CKAP2: variants seen among roughly 807,000 people sequenced by gnomAD.
CKAP2 encodes the protein cytoskeleton-associated protein 2.
CKAP2 carries 46 observed loss-of-function variants against 58.4 expected under a neutral mutation model. That is an observed-to-expected ratio of 0.79 (90% CI 0.62 to 1.01). CKAP2 has a LOEUF of 1.01. Ranked by LOEUF, CKAP2 falls within the 50% of genes least tolerant of loss-of-function variation. The pLI, the probability that CKAP2 is intolerant of heterozygous loss-of-function variation, is 0.00. For missense variants in CKAP2, 809 were observed against 796.4 expected, an observed-to-expected ratio of 1.02 and a Z score of -0.19; for synonymous variants, 293 against 280.9, an observed-to-expected ratio of 1.04 and a Z score of -0.43.
At chr13:52,460,130 A>G (rs552579010) in intron 2 of CKAP2, among the ~76,000 whole-genome samples, 3 of 152,264 alleles carry the variant, frequency 2.0e-5, no homozygotes, top group East Asian at 3.9e-4. Context: ...AAGTGCTGCT[A>G]TTACAGGCAT....
chr13:52,465,275 A>G lies in CKAP2; in HGVS notation c.1306-20A>G, dbSNP rs750666244. 6.3e-7 allele frequency: 1 copy of G among 1,596,374 alleles called. No individual in the cohort carries two copies. Among genetic ancestry groups the G allele is most frequent in the Non-Finnish European group, 8.5e-7 (1 of 1,172,380 alleles). On this transcript the variant is annotated intron_variant, in intron 5 of 8. Transcript: ENST00000258607. ...TTGTAAGCTAAAAAATATTACACAC[A>G]TTTTTTCTTGCTTTTTTAGGGATGT... is the stretch of plus-strand genomic sequence containing the variant.
At position 52,457,501 on chromosome 13, in the gene CKAP2, T is replaced by G. The variant is rs189459293; in HGVS notation, c.155+894T>G. Among the ~76,000 whole-genome samples, 251 of 152,070 alleles carry G rather than the reference T, an allele frequency of 1.7e-3. 2 individuals carry two copies. Among genetic ancestry groups the G allele is most frequent in the African/African-American group, 5.8e-3 (242 of 41,452 alleles). ...TAGCAAAAACAAAAACCCATGAAAGTAGATGAAGCAGAAAGGCAAAAGGTC... is the reference window on the plus strand; with the variant it reads ...TAGCAAAAACAAAAACCCATGAAAGGAGATGAAGCAGAAAGGCAAAAGGTC... On this transcript the variant is annotated intron_variant, in intron 2 of 8. Transcript: ENST00000258607.
chr13:52,471,998 C>CT (rs1176183504), intron 7 of CKAP2, among the ~76,000 whole-genome samples: 2 of 152,142 alleles, frequency 1.3e-5, no homozygotes, highest in Admixed American at 6.6e-5. Context: ...ATTTCTCTTT[C>CT]TTTTTTTCCA....
At chr13:52,471,484 G>A (rs1010543494) in intron 7 of CKAP2, among the ~76,000 whole-genome samples, 13 of 151,558 alleles carry the variant, frequency 8.6e-5, no homozygotes. Flanking sequence ...GAACATAAGT[G>A]GTCGAAGTAG....
chr13:52,456,561 A>G lies in CKAP2; in HGVS notation c.109A>G (p.Arg37Gly), dbSNP rs772333290. The change falls in exon 2 of 9, where the codon AGA becomes GGA. Residue 37 changes from arginine to glycine, a missense_variant. By Grantham distance (125) the Arg-to-Gly change is moderately radical (BLOSUM62 -2). Around this residue, in one of 3 missense-constraint regions of CKAP2, gnomAD observed 523 missense variants for 492.4 expected, o/e 1.06. Transcript: ENST00000258607. ...RQKLKEHLLR[R>G]KTLFAYKQEN... ...AAAACTCAAGGAACATCTGTTGAGAAGAAAAACGCTTTTTGCATACAAGCA... is the reference window on the plus strand; with the variant it reads ...AAAACTCAAGGAACATCTGTTGAGAGGAAAAACGCTTTTTGCATACAAGCA... 8.1e-6 allele frequency: 13 copies of G among 1,613,942 alleles called. No individual in the cohort carries two copies. The highest frequency in any genetic ancestry group is 1.1e-5 in the Non-Finnish European group (13 of 1,179,914).
intron 5 of CKAP2, among the ~76,000 whole-genome samples, chr13:52,463,726 A>T (rs918959100): frequency 1.3e-5 from 2 of 152,222 alleles, no homozygotes; most frequent in Admixed American, 6.5e-5. Context: ...ATAAGGAGGC[A>T]TTCTGCTGGG....
Position 52,462,361 on chromosome 13 carries a change from A to AGAGCTC in CKAP2, c.1101_1106dup. 6.2e-7 allele frequency: 1 copy of AGAGCTC among 1,612,670 alleles called. No homozygotes were observed. Among genetic ancestry groups the AGAGCTC allele is most frequent in the Non-Finnish European group, 8.5e-7 (1 of 1,179,542 alleles). The stretch of plus-strand genomic sequence containing the variant: ...AACGTTTATATCTGCTTCTAACTAT[A>AGAGCTC]GAGCTCGTCTGAGTGAGTGGAAAGC... On this transcript the variant is annotated splice_acceptor_variant, in intron 4 of 8. Transcript: ENST00000258607. LOFTEE classifies it high-confidence loss of function.
Position 52,475,243 on chromosome 13 carries a change from C to G in CKAP2, c.*102C>G. The G allele has an allele frequency of 1.4e-6, 2 of 1,391,384 alleles. No homozygotes were observed. The highest frequency in any genetic ancestry group is 9.7e-7 in the Non-Finnish European group (1 of 1,028,166). 86.2% of individuals were successfully genotyped at this position (1,391,384 alleles called of 1,614,324 possible). A position where few individuals can be genotyped will look rare whatever the true frequency, so the allele number is the denominator to read the frequency against. ...CTTAGGTCTGGAGTTGGCCATGTACCTATGTATCCTAAGCATTCACGGCAG... is the reference window on the plus strand; with the variant it reads ...CTTAGGTCTGGAGTTGGCCATGTACGTATGTATCCTAAGCATTCACGGCAG... On this transcript the variant is annotated 3_prime_UTR_variant, in exon 9 of 9. Transcript: ENST00000258607.
At chr13:52,467,667 C>T (rs904647306) in intron 6 of CKAP2, among the ~76,000 whole-genome samples, 1 of 151,930 alleles carries the variant, frequency 6.6e-6, no homozygotes, top group Admixed American at 6.5e-5. Flanking sequence ...CGAGATCGCA[C>T]CACTGCATTC....
chr13:52,470,912 CA>C (rs1290501448), intron 7 of CKAP2, among the ~76,000 whole-genome samples: 4 of 152,122 alleles, frequency 2.6e-5, no homozygotes, highest in African/African-American at 4.8e-5. Flanking sequence ...GTAATCCCAG[CA>C]CTTTGGGAGG....
chr13:52,460,989 T>C lies in CKAP2; in HGVS notation c.231+15T>C, dbSNP rs781630367. 4 of 1,612,540 alleles carry C rather than the reference T, an allele frequency of 2.5e-6. No individual in the cohort carries two copies. Among genetic ancestry groups the C allele is most frequent in the East Asian group, 4.5e-5 (2 of 44,764 alleles). On this transcript the variant is annotated intron_variant, in intron 3 of 8. Coordinates refer to ENST00000258607, the MANE Select transcript of CKAP2 (RefSeq NM_018204.5). Reference sequence around the variant, plus strand: ...AAACAAAAATGGTAAGATGTGGACATAGCACTCTTAAACTGTCCCCTTTTC... The same window carrying C: ...AAACAAAAATGGTAAGATGTGGACACAGCACTCTTAAACTGTCCCCTTTTC...
At chr13:52,459,362 G>A (rs1482545239) in intron 2 of CKAP2, among the ~76,000 whole-genome samples, 2 of 151,944 alleles carry the variant, frequency 1.3e-5, no homozygotes, top group South Asian at 2.1e-4. Flanking sequence ...TTGCTCTGTC[G>A]CCTAGGCTAT....
rs1204064244 is a variant in CKAP2, at chr13:52,461,659, T to A, written c.833T>A (p.Val278Asp). The change falls in exon 4 of 9, where the codon GTT becomes GAT. Residue 278 changes from valine to aspartate, a missense_variant. This residue lies in a region of CKAP2 where 523 missense variants were observed against 492.4 expected (regional missense o/e 1.06). Transcript: ENST00000258607. ...GGCATCAGTAGAACTTCTGCCAATGTTACAATCCGGAAAGGGCCTCATGAA... is the reference window on the plus strand; with the variant it reads ...GGCATCAGTAGAACTTCTGCCAATGATACAATCCGGAAAGGGCCTCATGAA... Reference protein sequence around the residue: ...KQGISRTSANVTIRKGPHEKE... With the variant: ...KQGISRTSANDTIRKGPHEKE... 1.5e-5 allele frequency: 24 copies of A among 1,614,024 alleles called. No individual in the cohort carries two copies. Among genetic ancestry groups the A allele is most frequent in the Non-Finnish European group, 2.0e-5 (24 of 1,180,022 alleles).
At chr13:52,468,888 T>C (rs2137863870) in intron 7 of CKAP2, among the ~76,000 whole-genome samples, 1 of 152,366 alleles carries the variant, frequency 6.6e-6, no homozygotes, top group Non-Finnish European at 1.5e-5. Context: ...TTTGGGTATA[T>C]ACCCAGTAAT....
Position 52,475,057 on chromosome 13 carries a change from G to A in CKAP2, c.1965G>A (p.Thr655=), listed in dbSNP as rs754490339. ...GTGTGTCTTCATTGGAACAGCTAAC[G>A]GAGTTGGGAAGAGAAACTGATGCTT... ...YPCVSSLEQL[T]ELGRETDAFV... The change falls in exon 9 of 9, where the codon ACG becomes ACA. Residue 655 remains threonine (T), a synonymous_variant. Coordinates refer to ENST00000258607, the MANE Select transcript of CKAP2 (RefSeq NM_018204.5). 14 of 1,614,034 alleles carry A rather than the reference G, an allele frequency of 8.7e-6. No homozygotes were observed. The highest frequency in any genetic ancestry group is 8.0e-5 in the African/African-American group (6 of 74,908).
At chr13:52,470,297 G>A (rs1958744319) in intron 7 of CKAP2, among the ~76,000 whole-genome samples, 2 of 151,936 alleles carry the variant, frequency 1.3e-5, no homozygotes, top group Admixed American at 6.6e-5. Context: ...TAGAGATGGG[G>A]TTTTGCCATG....
Position 52,475,200 on chromosome 13 carries a change from G to C in CKAP2, c.*59G>C. 1 of 1,582,796 alleles carries C rather than the reference G, an allele frequency of 6.3e-7. No individual in the cohort carries two copies. Among genetic ancestry groups the C allele is most frequent in the Non-Finnish European group, 8.6e-7 (1 of 1,164,966 alleles). ...TATTATTTGTGGGGTGTTTTGTTTT[G>C]AGTAGCTTTATATTGCTCTTAGGTC... On this transcript the variant is annotated 3_prime_UTR_variant, in exon 9 of 9. Coordinates refer to ENST00000258607, the MANE Select transcript of CKAP2 (RefSeq NM_018204.5).
chr13:52,469,757 C>T (rs1239664103), intron 7 of CKAP2, among the ~76,000 whole-genome samples: 10 of 150,512 alleles, frequency 6.6e-5, no homozygotes, highest in Admixed American at 1.3e-4. Context: ...CCACCGCGCC[C>T]GGCTAATTTT....
chr13:52,464,519 C>G (rs916608868), intron 5 of CKAP2, among the ~76,000 whole-genome samples: 1 of 142,904 alleles, frequency 7.0e-6, no homozygotes, highest in African/African-American at 2.6e-5. Flanking sequence ...TGCCGTTGCA[C>G]TCCAGCCTGG....
Sources: allele counts gnomAD v4.1 joint callset (sites outside exome capture counted in the v4.1 genomes callset), GRCh38; gene constraint gnomAD v4.1.1; regional missense constraint gnomAD v4.1.1; transcripts MANE v1.5; gene names NCBI Gene and HGNC (gene_info 2026-07-23, HGNC 2026-07-21).